Variants in RHCG observed in about 807,000 individuals in gnomAD.
RHCG encodes ammonium transporter Rh type C.
RHCG carries 39 observed loss-of-function variants against 55.3 expected under a neutral mutation model. The ratio of observed to expected loss-of-function variants is 0.70; its 90% CI spans 0.55 to 0.92. The LOEUF (loss-of-function observed/expected upper bound fraction) is 0.92, where lower values mean the gene tolerates loss of function less well. RHCG is among the 40% of genes least tolerant of loss of function. RHCG has a pLI of 0.00. For missense variants in RHCG, 635 were observed against 627.9 expected (o/e 1.01, Z -0.12); for synonymous variants, 250 against 246.8 (o/e 1.01, Z -0.12).
At chr15:89,488,828 A>G (rs540182579) in intron 1 of RHCG, among the ~76,000 whole-genome samples, 2 of 152,120 alleles carry the variant, frequency 1.3e-5, no homozygotes, top group South Asian at 4.2e-4. Flanking sequence ...AAAATCAGAT[A>G]TAAACAGATT....
Position 89,477,264 on chromosome 15 carries a change from C to T in RHCG, c.1113-58G>A. 1 of 1,601,120 alleles carries T rather than the reference C, an allele frequency of 6.2e-7. No individual in the cohort carries two copies. Among genetic ancestry groups the T allele is most frequent in the Non-Finnish European group, 8.5e-7 (1 of 1,171,292 alleles). ...CATGGAGAGGCCAAGTAACAGCTTGCTGCCACCCCAAAAATGTGACCGGGT... is the reference window on the plus strand; with the variant it reads ...CATGGAGAGGCCAAGTAACAGCTTGTTGCCACCCCAAAAATGTGACCGGGT... On this transcript the variant is annotated intron_variant, in intron 7 of 10. Transcript: ENST00000268122. This position sits in a 1 kb window ranked among gnomAD's most constrained non-coding sequence, Gnocchi z 4.5.
At chr15:89,496,335 C>T (rs1961565420) in intron 1 of RHCG, 26 bp downstream of exon 1, 1 of 1,612,368 alleles carries the variant, frequency 6.2e-7, no homozygotes, top group Non-Finnish European at 8.5e-7. Flanking sequence ...TATGCCTCCG[C>T]TGGGCCTGCA....
intron 1 of RHCG, among the ~76,000 whole-genome samples, chr15:89,495,733 C>G (rs796525531): frequency 4.6e-5 from 7 of 152,352 alleles, no homozygotes; most frequent in African/African-American, 1.7e-4. Context: ...TATCTTCATT[C>G]TGTAGATGAG....
Position 89,483,221 on chromosome 15 carries a change from T to A in RHCG, c.372-4A>T. On this transcript the variant is annotated splice_polypyrimidine_tract_variant and splice_region_variant and intron_variant, in intron 2 of 10. Coordinates refer to ENST00000268122, the MANE Select transcript of RHCG (RefSeq NM_016321.3). ...GCAGAAGTCAGCGTTGATGAGGCTG[T>A]GGGGAGACAGGCCAGTGGAGAAGCT... 1 of 1,553,806 alleles carries A rather than the reference T, an allele frequency of 6.4e-7. No individual in the cohort carries two copies. Among genetic ancestry groups the A allele is most frequent in the Non-Finnish European group, 8.8e-7 (1 of 1,135,410 alleles).
chr15:89,483,090 A>G lies in RHCG; in HGVS notation c.499T>C (p.Phe167Leu). Reference protein sequence around the residue: ...FQVTLFAVNEFILLNLLKVKD... With the variant: ...FQVTLFAVNELILLNLLKVKD... ...ACCTTTAGCAGGTTAAGGAGAATGA[A>G]CTCATTCACAGCGAAGAGGGTCACT... Residue 167 changes from phenylalanine to leucine, a missense_variant, in exon 3 of 11, where the codon TTC becomes CTC. By Grantham distance (22) the Phe-to-Leu change is conservative. Coordinates refer to ENST00000268122, the MANE Select transcript of RHCG (RefSeq NM_016321.3). The G allele has an allele frequency of 1.2e-6, 2 of 1,602,048 alleles. No homozygotes were observed. Among genetic ancestry groups the G allele is most frequent in the South Asian group, 2.2e-5 (2 of 90,586 alleles).
At position 89,486,971 on chromosome 15, in the gene RHCG, G is replaced by T; in HGVS notation, c.199C>A (p.His67Asn). The T allele has an allele frequency of 6.3e-7, 1 of 1,598,480 alleles. No individual in the cohort carries two copies. The change falls in exon 2 of 11, where the codon CAC (histidine) becomes AAC (asparagine). Residue 67 changes from histidine (H) to asparagine (N), a missense_variant. Coordinates refer to ENST00000268122, the MANE Select transcript of RHCG (RefSeq NM_016321.3). ...YYRYPSFQDV[H>N]VMVFVGFGFL... Reference sequence around the variant, plus strand: ...CCGAAGCCCACGAAGACCATCACGTGCACGTCCTGGAAGCCTGCGGGGACA... The same window carrying T: ...CCGAAGCCCACGAAGACCATCACGTTCACGTCCTGGAAGCCTGCGGGGACA...
At position 89,475,322 on chromosome 15, in the gene RHCG, G is replaced by GC. The variant is rs964205317; in HGVS notation, c.1311+1432dup. 2.6e-3 allele frequency among the ~76,000 whole-genome samples: 392 copies of GC among 151,650 alleles called. 1 individual carries two copies. The highest frequency in any genetic ancestry group is 8.8e-3 in the African/African-American group (362 of 41,312). Reference sequence around the variant, plus strand: ...GCAATCACAGCTCACTGCAACCTCTGCCCCCCCGCCCCAGGGTTCAAGTGA... The same window carrying GC: ...GCAATCACAGCTCACTGCAACCTCTGCCCCCCCCGCCCCAGGGTTCAAGTGA... On this transcript the variant is annotated intron_variant, in intron 9 of 10. Coordinates refer to ENST00000268122, the MANE Select transcript of RHCG (RefSeq NM_016321.3).
At position 89,496,415 on chromosome 15, in the gene RHCG, T is replaced by A; in HGVS notation, c.130A>T (p.Arg44Trp). ...ATGTCGCTCAAGTTCTTGTGCGTCC[T>A]CTCTGACCACCAGTGGGCGTCGGCC... Reference protein sequence around the residue: ...FEADAHWWSERTHKNLSDMEN... With the variant: ...FEADAHWWSEWTHKNLSDMEN... Residue 44 changes from arginine to tryptophan, a missense_variant, in exon 1 of 11, where the codon AGG (arginine) becomes TGG (tryptophan). Physicochemically the swap from Arg to Trp is moderately radical, Grantham distance 101. Coordinates refer to ENST00000268122, the MANE Select transcript of RHCG (RefSeq NM_016321.3). 6.2e-7 allele frequency: 1 copy of A among 1,614,064 alleles called. No homozygotes were observed. The highest frequency in any genetic ancestry group is 8.5e-7 in the Non-Finnish European group (1 of 1,179,978).
chr15:89,491,081 A>G (rs1212287913), intron 1 of RHCG, among the ~76,000 whole-genome samples: 4 of 152,164 alleles, frequency 2.6e-5, no homozygotes, highest in Admixed American at 6.5e-5. Flanking sequence ...TAGAGGCGAC[A>G]TGCTGGCAGG....
chr15:89,486,767 C>T (rs1244848412), intron 2 of RHCG, 32 bp downstream of exon 2: 2 of 1,562,512 alleles, frequency 1.3e-6, no homozygotes, highest in East Asian at 2.3e-5. Context: ...CCTCCCAGTC[C>T]GCCACGCCCC....
chr15:89,474,363 C>A (rs904809984), intron 9 of RHCG, among the ~76,000 whole-genome samples: 5 of 152,180 alleles, frequency 3.3e-5, no homozygotes, highest in African/African-American at 1.2e-4. Flanking sequence ...GTTAAAATTA[C>A]CCTTAAAACT....
intron 9 of RHCG, among the ~76,000 whole-genome samples, chr15:89,475,636 T>C (rs1008786930): frequency 6.6e-6 from 1 of 152,188 alleles, no homozygotes; most frequent in Non-Finnish European, 1.5e-5. Context: ...GGGTGGTGCC[T>C]GGGAAGGTCT....
intron 1 of RHCG, among the ~76,000 whole-genome samples, chr15:89,487,556 G>T (rs766723488): frequency 6.6e-6 from 1 of 152,202 alleles, no homozygotes; most frequent in Non-Finnish European, 1.5e-5. Flanking sequence ...AAGCACATCA[G>T]TTATAGCTGA....
At chr15:89,472,249 G>A (rs1163833514) in intron 10 of RHCG, among the ~76,000 whole-genome samples, 1 of 152,196 alleles carries the variant, frequency 6.6e-6, no homozygotes, top group Non-Finnish European at 1.5e-5. Flanking sequence ...CCATGAGCAA[G>A]GGCTTGGTGC....
chr15:89,490,829 G>A (rs1184781988), intron 1 of RHCG, among the ~76,000 whole-genome samples: 5 of 152,132 alleles, frequency 3.3e-5, no homozygotes, highest in East Asian at 3.9e-4. Context: ...GGGAGAAATG[G>A]AGCCTGGCTG....
At chr15:89,473,908 T>G (rs528235479) in intron 9 of RHCG, among the ~76,000 whole-genome samples, 1 of 152,202 alleles carries the variant, frequency 6.6e-6, no homozygotes, top group Non-Finnish European at 1.5e-5. Context: ...AACTTCTACA[T>G]GGGGGAACTG....
In RHCG at chr15:89,472,790, G is replaced by A. The variant is rs780432547; in HGVS notation, c.1385C>T (p.Ser462Leu). Residue 462 changes from serine to leucine, a missense_variant, in exon 10 of 11, where the codon TCA becomes TTA. Coordinates refer to ENST00000268122, the MANE Select transcript of RHCG (RefSeq NM_016321.3). Reference protein sequence around the residue: ...TFKPSGPSVPSVPMVSPLPMA... With the variant: ...TFKPSGPSVPLVPMVSPLPMA... Reference sequence around the variant, plus strand: ...GGGTAGTGGGGACACCATGGGTACTGAGGGTACTGAGGGTCCTGAGGGCTT... The same window carrying A: ...GGGTAGTGGGGACACCATGGGTACTAAGGGTACTGAGGGTCCTGAGGGCTT... 3 of 1,565,208 alleles carry A rather than the reference G, an allele frequency of 1.9e-6. No homozygotes were observed. The highest frequency in any genetic ancestry group is 2.7e-5 in the African/African-American group (2 of 73,290).
chr15:89,472,272 A>C (rs1015037744), intron 10 of RHCG, among the ~76,000 whole-genome samples: 2 of 152,174 alleles, frequency 1.3e-5, no homozygotes, highest in Non-Finnish European at 2.9e-5. Context: ...TCCACAGAGG[A>C]GGCACAGTGT....
At chr15:89,480,175 T>C (rs559809298) in intron 4 of RHCG, 86 bp downstream of exon 4, 4 of 1,556,364 alleles carry the variant, frequency 2.6e-6, no homozygotes, top group Non-Finnish European at 3.5e-6. Flanking sequence ...CCCATCATGG[T>C]GGCCTTCACC....
Sources: gnomAD v4.1 joint callset for allele counts (sites outside exome capture counted in the v4.1 genomes callset) on GRCh38, gnomAD v4.1.1 for gene constraint, Gnocchi (gnomAD v3.1) non-coding constraint, MANE v1.5 for transcripts, NCBI Gene and HGNC (gene_info 2026-07-23, HGNC 2026-07-21) for gene names.